The following BMPER variants were observed in gnomAD, a reference collection of about 807,000 sequenced individuals.
BMPER encodes BMP binding endothelial regulator, also known as BMP-binding endothelial regulator protein.
Under a neutral mutation model 87.3 loss-of-function variants are expected in BMPER, and 45 were observed. That is an observed-to-expected ratio of 0.52 (90% CI 0.41 to 0.66). BMPER has a LOEUF of 0.66. Among genes scored for constraint, BMPER ranks in the 30% least tolerant of loss-of-function variants. The pLI, the probability that BMPER is intolerant of heterozygous loss-of-function variation, is 0.00. For synonymous variants in BMPER, 326 were observed against 316.2 expected (o/e 1.03, Z -0.33); for missense variants, 784 against 867.5 (o/e 0.90, Z 1.21).
At chr7:34,142,612 A>T (rs1790902796) in intron 13 of BMPER, among the ~76,000 whole-genome samples, 1 of 152,148 alleles carries the variant, frequency 6.6e-6, no homozygotes, top group African/African-American at 2.4e-5. Context: ...CTTTATTTAG[A>T]ATTTGTCACT....
chr7:34,040,999 C>G (rs1466735996), intron 6 of BMPER, among the ~76,000 whole-genome samples: 3 of 152,178 alleles, frequency 2.0e-5, no homozygotes, highest in Non-Finnish European at 4.4e-5. Context: ...CAACCAGCAT[C>G]TACCAGGGAA....
intron 4 of BMPER, among the ~76,000 whole-genome samples, chr7:33,968,982 A>G (rs952408054): frequency 6.6e-6 from 1 of 152,222 alleles, no homozygotes; most frequent in African/African-American, 2.4e-5. Flanking sequence ...TAACTAAAGC[A>G]TGGATCTTTT....
chr7:34,133,593 A>AG (rs1171625672), intron 13 of BMPER, among the ~76,000 whole-genome samples: 4 of 152,180 alleles, frequency 2.6e-5, no homozygotes, highest in Admixed American at 6.5e-5. Context: ...GGATCCAAGA[A>AG]GGGGGTTGTG....
intron 12 of BMPER, among the ~76,000 whole-genome samples, chr7:34,083,976 T>C (rs78732281): frequency 0.023 from 3,528 of 150,772 alleles, 65 homozygotes; most frequent in Non-Finnish European, 0.039. Context: ...AAAATGTTTT[T>C]GTCAGGATCA....
intron 2 of BMPER, among the ~76,000 whole-genome samples, chr7:33,920,385 G>T (rs549300380): frequency 6.7e-6 from 1 of 150,040 alleles, no homozygotes; most frequent in African/African-American, 2.5e-5. Flanking sequence ...AGTAGGTCTG[G>T]CTGGCTCCTG....
intron 2 of BMPER, among the ~76,000 whole-genome samples, chr7:33,935,727 C>T (rs1008431142): frequency 1.3e-5 from 2 of 152,156 alleles, no homozygotes; most frequent in East Asian, 1.9e-4. Context: ...GTGTGGGGTG[C>T]AGGTGGCTGT....
chr7:33,996,991 G>A (rs1167909872), intron 6 of BMPER, among the ~76,000 whole-genome samples: 2 of 152,152 alleles, frequency 1.3e-5, no homozygotes, highest in Non-Finnish European at 2.9e-5. Context: ...GACAGTGCAA[G>A]TGTAACCTAT....
At chr7:33,905,527 A>G, upstream of BMPER, 1 of 1,414,680 alleles carries the variant, frequency 7.1e-7, no homozygotes, top group Non-Finnish European at 9.4e-7. Flanking sequence ...ACGCCGGCTG[A>G]GAGCCCTTTT....
At chr7:34,125,046 C>T (rs749757897) in intron 13 of BMPER, among the ~76,000 whole-genome samples, 1 of 150,806 alleles carries the variant, frequency 6.6e-6, no homozygotes, top group Non-Finnish European at 1.5e-5. Context: ...TTCTAATATA[C>T]GGTTGAATTC....
At chr7:33,921,898 C>G (rs891307035) in intron 2 of BMPER, 1 of 465,964 alleles carries the variant, frequency 2.1e-6, no homozygotes, top group Non-Finnish European at 4.5e-6. Flanking sequence ...CCAGGTGAAG[C>G]GGGATCCAGC....
chr7:34,046,121 A>G (rs1353417920), intron 6 of BMPER, among the ~76,000 whole-genome samples, 185 bp from the exon 7 acceptor site: 1 of 152,150 alleles, frequency 6.6e-6, no homozygotes, highest in African/African-American at 2.4e-5. Context: ...GTCTTTTTGC[A>G]GCTGCAATTT....
At chr7:34,135,144 T>C (rs1414754598) in intron 13 of BMPER, among the ~76,000 whole-genome samples, 1 of 152,050 alleles carries the variant, frequency 6.6e-6, no homozygotes, top group African/African-American at 2.4e-5. Context: ...AAGTAAGCAA[T>C]GTATATAAGG....
chr7:34,090,699 G>T (rs1242194077), intron 13 of BMPER, among the ~76,000 whole-genome samples: 1 of 152,182 alleles, frequency 6.6e-6, no homozygotes, highest in Non-Finnish European at 1.5e-5. Context: ...GGAAGAAATT[G>T]TTGCAAGTAA....
chr7:34,039,853 T>C (rs374257838), intron 6 of BMPER, among the ~76,000 whole-genome samples: 1 of 152,202 alleles, frequency 6.6e-6, no homozygotes, highest in African/African-American at 2.4e-5. Context: ...GTTCCCACAC[T>C]TGGCAGCTCA....
At chr7:33,906,072 C>T (rs1264344287) in intron 1 of BMPER, among the ~76,000 whole-genome samples, 3 of 152,136 alleles carry the variant, frequency 2.0e-5, no homozygotes, top group Non-Finnish European at 2.9e-5. Flanking sequence ...AAAATTTGTG[C>T]AGTTTTCCGC....
chr7:33,959,813 A>ATATAAAT (rs1785227256), intron 3 of BMPER, among the ~76,000 whole-genome samples: 2 of 152,216 alleles, frequency 1.3e-5, no homozygotes, highest in Non-Finnish European at 2.9e-5. Flanking sequence ...GATACTATAA[A>ATATAAAT]GTTATGCGAC....
At chr7:34,016,083 A>G (rs1332605007) in intron 6 of BMPER, among the ~76,000 whole-genome samples, 3 of 151,924 alleles carry the variant, frequency 2.0e-5, no homozygotes, top group Non-Finnish European at 4.4e-5. Flanking sequence ...AGAAAACTCC[A>G]TCAGGACCAC....
At position 34,079,061 on chromosome 7, in the gene BMPER, G is replaced by GCAGGGT. The variant is rs747932767; in HGVS notation, c.1287_1292dup (p.Arg429_Val430dup). 3.1e-6 allele frequency: 5 copies of GCAGGGT among 1,614,178 alleles called. No homozygotes were observed. In the South Asian group the frequency reaches 5.5e-5, roughly 18 times the overall value. ...TCGGTGGAGCTGGTGCTGGGCGAGA[G>GCAGGGT]CAGGGTCAGCCTGCAGCAGCACCTC... On this transcript the variant is annotated inframe_insertion, in exon 12 of 15. Coordinates refer to ENST00000649409, the MANE Select transcript of BMPER (RefSeq NM_001365308.1).
chr7:34,011,604 A>AG (rs1786881686), intron 6 of BMPER, among the ~76,000 whole-genome samples: 1 of 146,710 alleles, frequency 6.8e-6, no homozygotes, highest in African/African-American at 2.6e-5. Flanking sequence ...AAAAAAAAAA[A>AG]GAAAAAAAAA....
Sources: allele counts gnomAD v4.1 joint callset (sites outside exome capture counted in the v4.1 genomes callset), GRCh38; gene constraint gnomAD v4.1.1; transcripts MANE v1.5; gene names NCBI Gene and HGNC (gene_info 2026-07-23, HGNC 2026-07-21).